Variants in MSRB3 observed in about 807,000 individuals in gnomAD.
MSRB3 encodes methionine-R-sulfoxide reductase B3.
In MSRB3, 13 loss-of-function variants were observed where a neutral mutation model predicts 21.0. The observed-to-expected ratio is 0.62, with a 90% CI of 0.40 to 0.98. MSRB3 has a LOEUF of 0.98. MSRB3 is among the 50% of genes least tolerant of loss of function. The pLI, the probability that MSRB3 is intolerant of heterozygous loss-of-function variation, is 0.00. For missense variants in MSRB3, 199 were observed against 230.3 expected (o/e 0.86, Z 0.88); for synonymous variants, 87 against 88.6 (o/e 0.98, Z 0.10).
chr12:65,354,265 G>T (rs1592557384), intron 4 of MSRB3, among the ~76,000 whole-genome samples: 2 of 151,970 alleles, frequency 1.3e-5, no homozygotes, highest in South Asian at 4.1e-4. Flanking sequence ...GAATCTGAAT[G>T]TTGGCGTGCC....
intron 4 of MSRB3, among the ~76,000 whole-genome samples, chr12:65,329,297 C>T (rs1373119890): frequency 1.3e-5 from 2 of 152,054 alleles, no homozygotes; most frequent in African/African-American, 4.8e-5. Context: ...TCTAGAAGCC[C>T]TATGCTTCCC....
At chr12:65,321,910 A>T (rs1874691150) in intron 2 of MSRB3, among the ~76,000 whole-genome samples, 1 of 152,186 alleles carries the variant, frequency 6.6e-6, no homozygotes. Flanking sequence ...ACTCAAAGCA[A>T]AACAAGACAT....
intron 5 of MSRB3, among the ~76,000 whole-genome samples, chr12:65,413,398 A>G (rs1359368880): frequency 6.6e-6 from 1 of 152,144 alleles, no homozygotes; most frequent in South Asian, 2.1e-4. Context: ...CTGGCCTCCT[A>G]TGATAAAAGC....
intron 5 of MSRB3, among the ~76,000 whole-genome samples, chr12:65,385,179 T>G (rs544022712): frequency 6.6e-6 from 1 of 152,206 alleles, no homozygotes; most frequent in Admixed American, 6.5e-5. Flanking sequence ...TCCGAAAGGA[T>G]AGCGATATGG....
At chr12:65,411,469 C>A (rs1336677601) in intron 5 of MSRB3, among the ~76,000 whole-genome samples, 1 of 152,114 alleles carries the variant, frequency 6.6e-6, no homozygotes, top group East Asian at 1.9e-4. Context: ...TAAAACCTCA[C>A]AAGTAGAAAG....
At chr12:65,335,857 G>A (rs554665790) in intron 4 of MSRB3, among the ~76,000 whole-genome samples, 1 of 152,068 alleles carries the variant, frequency 6.6e-6, no homozygotes, top group Non-Finnish European at 1.5e-5. Context: ...AACCTCTAAC[G>A]AAGTACATTT....
intron 1 of MSRB3, 112 bp from the exon 2 acceptor site, chr12:65,308,417 T>C (rs1873783441): frequency 1.5e-6 from 2 of 1,376,012 alleles, no homozygotes; most frequent in African/African-American, 2.9e-5. Context: ...ATTAGCAGTA[T>C]GTGCATGTGT....
rs367723777 is a variant in MSRB3 at position 65,289,041 on chromosome 12, G to A, written c.-52+10176G>A. Among the ~76,000 whole-genome samples the A allele has an allele frequency of 7.7e-4, 117 of 152,308 alleles. 1 individual carries two copies. The highest frequency in any genetic ancestry group is 2.6e-3 in the African/African-American group (109 of 41,556). On this transcript the variant is annotated intron_variant, in intron 1 of 6. Transcript: ENST00000308259. ...CAGAAATGAAATGTGAAAGATGCCT[G>A]TGAGACACACATTTCCTGTACTCAG...
At chr12:65,443,997 A>G (rs1882502052) in intron 5 of MSRB3, among the ~76,000 whole-genome samples, 1 of 152,148 alleles carries the variant, frequency 6.6e-6, no homozygotes, top group African/African-American at 2.4e-5. Flanking sequence ...AATATGTGAT[A>G]TTTTCTTTAT....
intron 5 of MSRB3, among the ~76,000 whole-genome samples, chr12:65,408,841 T>C (rs1880562072): frequency 6.6e-6 from 1 of 152,204 alleles, no homozygotes; most frequent in African/African-American, 2.4e-5. Context: ...GACAAATTGA[T>C]TAGGCTCTGG....
rs557033517 is a variant in MSRB3 at position 65,399,552 on chromosome 12, A to G, written c.292+30526A>G. Among the ~76,000 whole-genome samples the G allele has an allele frequency of 2.0e-5, 3 of 152,280 alleles. No homozygotes were observed. The East Asian group carries it at 5.8e-4, about 29-fold the overall frequency. ...ATACAATCATGTCATCTGCAAACAG[A>G]GACAATTTGACTTTCTGTCTTCCTA... On this transcript the variant is annotated intron_variant, in intron 5 of 6. Coordinates refer to ENST00000308259, the MANE Select transcript of MSRB3 (RefSeq NM_001031679.3).
At chr12:65,419,326 C>T in intron 5 of MSRB3, 1 of 757,402 alleles carries the variant, frequency 1.3e-6, no homozygotes, top group South Asian at 1.4e-5. Flanking sequence ...CAAGATCAAA[C>T]CAGAGCTGAC....
intron 5 of MSRB3, among the ~76,000 whole-genome samples, chr12:65,438,433 C>T (rs1882219276): frequency 6.6e-6 from 1 of 151,860 alleles, no homozygotes; most frequent in Non-Finnish European, 1.5e-5. Flanking sequence ...GAACTCAAGT[C>T]TACAGACTGA....
chr12:65,285,590 T>G (rs1244986783), intron 1 of MSRB3: 2 of 152,374 alleles, frequency 1.3e-5, no homozygotes, highest in Non-Finnish European at 2.9e-5. Context: ...ATCCCAGCAC[T>G]TTGGGAGGCT....
At chr12:65,366,128 C>T (rs182983191) in intron 4 of MSRB3, among the ~76,000 whole-genome samples, 5 of 152,302 alleles carry the variant, frequency 3.3e-5, no homozygotes, top group Admixed American at 2.0e-4. Context: ...AGCCACTCAC[C>T]CTCACAGGAG....
intron 2 of MSRB3, among the ~76,000 whole-genome samples, chr12:65,313,572 C>T (rs980732502): frequency 1.3e-4 from 19 of 151,992 alleles, no homozygotes; most frequent in African/African-American, 4.3e-4. Context: ...AAAGGGGGTT[C>T]TTTGACCACA....
chr12:65,364,400 G>A (rs903433003), intron 4 of MSRB3, among the ~76,000 whole-genome samples: 2 of 152,128 alleles, frequency 1.3e-5, no homozygotes, highest in African/African-American at 2.4e-5. Context: ...CCATCTTTTG[G>A]CAGTTGCCAA....
chr12:65,285,706 G>T (rs1241951081), intron 1 of MSRB3: 1 of 152,362 alleles, frequency 6.6e-6, no homozygotes, highest in Non-Finnish European at 1.5e-5. Context: ...TGTAGTCCTG[G>T]CTACTCAGGA....
At chr12:65,320,600 A>G (rs1259469346) in intron 2 of MSRB3, among the ~76,000 whole-genome samples, 1 of 152,190 alleles carries the variant, frequency 6.6e-6, no homozygotes, top group Admixed American at 6.5e-5. Flanking sequence ...TCTGTAGTCT[A>G]AAAAGGATGA....
Sources: gnomAD v4.1 joint callset for allele counts (sites outside exome capture counted in the v4.1 genomes callset) on GRCh38, gnomAD v4.1.1 for gene constraint, MANE v1.5 for transcripts, NCBI Gene and HGNC (gene_info 2026-07-23, HGNC 2026-07-21) for gene names.